Variants in TMPRSS5 observed in about 807,000 individuals in gnomAD.
The protein encoded by TMPRSS5 is transmembrane serine protease 5.
In TMPRSS5, 45 loss-of-function variants were observed where a neutral mutation model predicts 59.7. The observed-to-expected ratio is 0.75, with a 90% CI of 0.59 to 0.97. TMPRSS5 has a LOEUF of 0.97. Ranked by LOEUF, TMPRSS5 falls within the 50% of genes least tolerant of loss-of-function variation. The pLI is 0.00. For synonymous variants in TMPRSS5, 225 were observed against 232.0 expected, an observed-to-expected ratio of 0.97 and a Z score of 0.27; for missense variants, 585 against 596.7, an observed-to-expected ratio of 0.98 and a Z score of 0.20.
chr11:113,699,211 G>GTCTCTCTCCCTC (rs1953023820), intron 3 of TMPRSS5, among the ~76,000 whole-genome samples, 184 bp from the exon 4 acceptor site: 1 of 62,954 alleles, frequency 1.6e-5, no homozygotes, highest in African/African-American at 5.3e-5. Flanking sequence ...TTGTCTGTCT[G>GTCTCTCTCCCTC]TCTCTCTCTC....
intron 10 of TMPRSS5, 35 bp downstream of exon 10, chr11:113,690,806 C>A: frequency 6.5e-7 from 1 of 1,536,690 alleles, no homozygotes; most frequent in South Asian, 1.2e-5. Context: ...CTCCCACACC[C>A]GCCCCTGCAC....
Position 113,699,223 on chromosome 11 carries a change from C to CTG in TMPRSS5, c.206-197_206-196insCA, listed in dbSNP as rs1565263398. 2.0e-4 allele frequency among the ~76,000 whole-genome samples: 8 copies of CTG among 39,202 alleles called. No homozygotes were observed. In the East Asian group the frequency reaches 7.0e-3, roughly 34 times the overall value. 25.7% of individuals were successfully genotyped at this position (39,202 alleles called of 152,430 possible). A position where few individuals can be genotyped will look rare whatever the true frequency, so the allele number is the denominator to read the frequency against. On this transcript the variant is annotated intron_variant, in intron 3 of 12. Transcript: ENST00000299882. ...CCTTTGTCTGTCTGTCTCTCTCTCT[C>CTG]TCTCTCTCTCTCTCTCTCTCTCTCT...
intron 9 of TMPRSS5, among the ~76,000 whole-genome samples, chr11:113,692,797 T>C (rs1162564261): frequency 1.3e-5 from 2 of 152,106 alleles, no homozygotes; most frequent in African/African-American, 4.8e-5. Context: ...TATTGGTGGA[T>C]GGGGCAGCTG....
At chr11:113,690,175 T>TCCCCCCCCC in intron 11 of TMPRSS5, 56 bp downstream of exon 11, 3 of 159,590 alleles carry the variant, frequency 1.9e-5, no homozygotes, top group Non-Finnish European at 2.1e-5. Flanking sequence ...GCAGGCCCCC[T>TCCCCCCCCC]GCCCTCCCAC....
intron 1 of TMPRSS5, among the ~76,000 whole-genome samples, chr11:113,705,159 C>T (rs1385791580): frequency 6.6e-6 from 1 of 152,158 alleles, no homozygotes; most frequent in Non-Finnish European, 1.5e-5. Flanking sequence ...GCCTGAAATG[C>T]TGACTCCAGG....
chr11:113,696,731 C>T, intron 6 of TMPRSS5, 127 bp downstream of exon 6: 2 of 637,990 alleles, frequency 3.1e-6, no homozygotes, highest in Non-Finnish European at 5.6e-6. Flanking sequence ...AGGAAATGTT[C>T]CTCTTTGTCC....
Position 113,699,260 on chromosome 11 carries a change from T to TCTCC in TMPRSS5, c.206-234_206-233insGGAG, listed in dbSNP as rs1565263673. Among the ~76,000 whole-genome samples the TCTCC allele has an allele frequency of 6.5e-3, 233 of 35,958 alleles. 14 individuals carry two copies. The highest frequency in any genetic ancestry group is 6.7e-3 in the South Asian group (8 of 1,196). 23.6% of individuals were successfully genotyped at this position (35,958 alleles called of 152,430 possible). On this transcript the variant is annotated intron_variant, in intron 3 of 12. Coordinates refer to ENST00000299882, the MANE Select transcript of TMPRSS5 (RefSeq NM_030770.4). ...CTCTCTCTCTCTCTCTCTCTCTCTC[T>TCTCC]CTCTCTCTCTCCCTCTCTCTCTCTC...
intron 1 of TMPRSS5, among the ~76,000 whole-genome samples, chr11:113,704,451 C>A (rs1326076412): frequency 6.6e-6 from 1 of 152,162 alleles, no homozygotes; most frequent in African/African-American, 2.4e-5. Context: ...CCCCATGAGT[C>A]TTTGTGGCCT....
rs1159249862 is a variant in TMPRSS5, at chr11:113,694,610, A to C, written c.653T>G (p.Ile218Arg). The part of the protein sequence containing the change: ...ECGARPLASR[I>R]VGGQSVAPGR... Reference sequence around the variant, plus strand: ...AGGAGCCACAGACTGCCCACCAACTATCCGGGAAGCCAGGGGCCTCGCTCC... The same window carrying C: ...AGGAGCCACAGACTGCCCACCAACTCTCCGGGAAGCCAGGGGCCTCGCTCC... Residue 218 changes from isoleucine (I) to arginine (R), a missense_variant, in exon 8 of 13, where the codon ATA becomes AGA. By Grantham distance (97) the Ile-to-Arg change is moderately conservative. Coordinates refer to ENST00000299882, the MANE Select transcript of TMPRSS5 (RefSeq NM_030770.4). 1 of 1,549,818 alleles carries C rather than the reference A, an allele frequency of 6.5e-7. No homozygotes were observed. Among genetic ancestry groups the C allele is most frequent in the East Asian group, 2.4e-5 (1 of 41,034 alleles).
Position 113,699,641 on chromosome 11 carries a change from T to C in TMPRSS5, c.159A>G (p.Gly53=), listed in dbSNP as rs1194179371. Residue 53 remains glycine (G), a synonymous_variant, in exon 3 of 13, where the codon GGA becomes GGG. Coordinates refer to ENST00000299882, the MANE Select transcript of TMPRSS5 (RefSeq NM_030770.4). ...CTGCACCGGCCAGCAGCCCCAGGGC[T>C]CCCAGCACTGCACAGCCACGTCGCA... The part of the protein sequence containing the change: ...RSMRRGCAVL[G]ALGLLAGAGV... 2 of 1,586,104 alleles carry C rather than the reference T, an allele frequency of 1.3e-6. No individual in the cohort carries two copies. Among genetic ancestry groups the C allele is most frequent in the Admixed American group, 1.8e-5 (1 of 55,590 alleles).
intron 10 of TMPRSS5, 42 bp from the exon 11 acceptor site, chr11:113,690,415 G>A (rs1952741019): frequency 6.3e-7 from 1 of 1,580,564 alleles, no homozygotes; most frequent in African/African-American, 1.4e-5. Context: ...ACAAAGCAAG[G>A]CCCAGGCAGG....
chr11:113,689,885 A>T lies in TMPRSS5; in HGVS notation c.1239T>A (p.Asp413Glu), dbSNP rs916096065. 7.0e-6 allele frequency: 11 copies of T among 1,572,164 alleles called. No individual in the cohort carries two copies. The highest frequency in any genetic ancestry group is 8.6e-6 in the Non-Finnish European group (10 of 1,158,930). ...GDSGGPLVCP[D>E]GDTWRLVGVV... ...CCCCCACTAGGCGCCATGTGTCCCCATCTGGGCACACTAGGGGGCCCCCGC... is the reference window on the plus strand; with the variant it reads ...CCCCCACTAGGCGCCATGTGTCCCCTTCTGGGCACACTAGGGGGCCCCCGC... Residue 413 changes from aspartate (D) to glutamate (E), a missense_variant, in exon 12 of 13, where the codon GAT becomes GAA. Coordinates refer to ENST00000299882, the MANE Select transcript of TMPRSS5 (RefSeq NM_030770.4).
At chr11:113,699,744 C>T in intron 2 of TMPRSS5, 51 bp from the exon 3 acceptor site, 2 of 1,524,906 alleles carry the variant, frequency 1.3e-6, no homozygotes, top group Non-Finnish European at 1.8e-6. Flanking sequence ...TGCCAGCCTG[C>T]CTTACTTCAC....
At chr11:113,699,964 T>C in intron 2 of TMPRSS5, 102 bp downstream of exon 2, 1 of 1,544,570 alleles carries the variant, frequency 6.5e-7, no homozygotes, top group South Asian at 1.2e-5. Context: ...CCTCTCACCA[T>C]CAATCATGTG....
rs370590036 is a variant in TMPRSS5, at chr11:113,689,810, G to T, written c.1314C>A (p.Tyr438Ter). The part of the protein sequence containing the change: ...GCAEPNHPGV[Y>*]AKVAEFLDWI... ...AGTCCAGAAACTCAGCTACCTTGGC[G>T]TAGACACCTGGGTGATTGGGCTCTG... The change falls in exon 12 of 13, where the codon TAC (tyrosine) becomes TAA (stop). Residue 438 changes from tyrosine (Y) to a stop codon, truncating the protein, a stop_gained. Coordinates refer to ENST00000299882, the MANE Select transcript of TMPRSS5 (RefSeq NM_030770.4). LOFTEE classifies it high-confidence loss of function. 8 of 1,606,980 alleles carry T rather than the reference G, an allele frequency of 5.0e-6. No individual in the cohort carries two copies. The East Asian group carries it at 1.6e-4, about 32-fold the overall frequency.
intron 1 of TMPRSS5, among the ~76,000 whole-genome samples, chr11:113,701,489 C>T (rs375387645): frequency 2.1e-5 from 3 of 145,554 alleles, no homozygotes; most frequent in Admixed American, 6.8e-5. Context: ...TTTTTTTTGG[C>T]GGGGGGGGGT....
At chr11:113,692,772 A>G (rs1591375625) in intron 9 of TMPRSS5, among the ~76,000 whole-genome samples, 1 of 152,196 alleles carries the variant, frequency 6.6e-6, no homozygotes, top group African/African-American at 2.4e-5. Context: ...GCCTGGGGAC[A>G]GGGGTGGAGC....
In TMPRSS5 at chr11:113,699,253, CTCTCT is replaced by C. The variant is rs1953035719; in HGVS notation, c.206-231_206-227del. ...TCTCTCTCTCTCTCTCTCTCTCTCT[CTCTCT>C]CTCTCTCTCTCTCCCTCTCTCTCTC... On this transcript the variant is annotated intron_variant, in intron 3 of 12. Coordinates refer to ENST00000299882, the MANE Select transcript of TMPRSS5 (RefSeq NM_030770.4). Among the ~76,000 whole-genome samples, 10 of 85,122 alleles carry C rather than the reference CTCTCT, an allele frequency of 1.2e-4. 1 individual carries two copies. The East Asian group carries it at 3.0e-3, about 25-fold the overall frequency. The allele number at this position is 85,122 out of a possible 152,430, so 55.8% of individuals were successfully genotyped here.
intron 6 of TMPRSS5, 102 bp downstream of exon 6, chr11:113,696,756 A>G: frequency 1.3e-6 from 1 of 746,362 alleles, no homozygotes; most frequent in Non-Finnish European, 2.3e-6. Context: ...ATCATAGGCC[A>G]CCAGTGTCCT....
Sources: allele counts gnomAD v4.1 joint callset (sites outside exome capture counted in the v4.1 genomes callset), GRCh38; gene constraint gnomAD v4.1.1; transcripts MANE v1.5; gene names NCBI Gene and HGNC (gene_info 2026-07-23, HGNC 2026-07-21).